Variants in PRKG1 observed in about 807,000 individuals in gnomAD.
PRKG1 encodes the protein cGMP-dependent protein kinase 1.
A neutral mutation model predicts 88.1 loss-of-function variants in PRKG1; 35 were observed. That is an observed-to-expected ratio of 0.40 (90% CI 0.30 to 0.53). The LOEUF (loss-of-function observed/expected upper bound fraction) is 0.53, where lower values mean the gene tolerates loss of function less well. Among genes scored for constraint, PRKG1 ranks in the 20% least tolerant of loss-of-function variants. PRKG1 has a pLI of 0.59. For synonymous variants in PRKG1, 303 were observed against 292.5 expected (o/e 1.04, Z -0.37); for missense variants, 540 against 839.8 (o/e 0.64, Z 4.41).
At chr10:51,992,165 A>G (rs535705952) in intron 5 of PRKG1, among the ~76,000 whole-genome samples, 1 of 152,268 alleles carries the variant, frequency 6.6e-6, no homozygotes, top group Admixed American at 6.5e-5. Context: ...TCTTTCCTAT[A>G]TAGCACTGGT....
chr10:52,108,500 C>T (rs1393533767), intron 7 of PRKG1, among the ~76,000 whole-genome samples: 1 of 152,042 alleles, frequency 6.6e-6, no homozygotes, highest in Non-Finnish European at 1.5e-5. Context: ...GGAGTGAGTC[C>T]AAGTATCACT....
chr10:52,221,307 T>A (rs1840239276), intron 9 of PRKG1, among the ~76,000 whole-genome samples: 1 of 152,178 alleles, frequency 6.6e-6, no homozygotes, highest in Non-Finnish European at 1.5e-5. Flanking sequence ...GCAATATATC[T>A]TGAGATAATT....
intron 5 of PRKG1, among the ~76,000 whole-genome samples, chr10:51,977,684 T>G (rs2133102163): frequency 6.6e-6 from 1 of 152,278 alleles, no homozygotes; most frequent in East Asian, 1.9e-4. Flanking sequence ...AGATGGTATA[T>G]TATTGTGGTT....
At chr10:51,828,131 A>C (rs1387764146) in intron 4 of PRKG1, among the ~76,000 whole-genome samples, 4 of 152,158 alleles carry the variant, frequency 2.6e-5, no homozygotes, top group Admixed American at 1.3e-4. Context: ...AGCAAAAGTA[A>C]TTGGTGCAAC....
chr10:52,014,189 C>T (rs577977513), intron 5 of PRKG1, among the ~76,000 whole-genome samples: 1 of 152,210 alleles, frequency 6.6e-6, no homozygotes, highest in Non-Finnish European at 1.5e-5. Context: ...AAAGAAACTA[C>T]CTGAGACTGG....
chr10:51,088,968 C>T (rs1197909746), intron 1 of PRKG1, among the ~76,000 whole-genome samples: 2 of 152,046 alleles, frequency 1.3e-5, no homozygotes, highest in Admixed American at 6.6e-5. Flanking sequence ...CATTTGGATG[C>T]TTTGGCATGC....
chr10:51,316,193 C>T (rs747886733), intron 2 of PRKG1, among the ~76,000 whole-genome samples: 41 of 152,030 alleles, frequency 2.7e-4, no homozygotes, highest in Admixed American at 1.7e-3. Flanking sequence ...CAAATGTCCC[C>T]TTGGGTAAAG....
intron 9 of PRKG1, among the ~76,000 whole-genome samples, chr10:52,205,959 C>G (rs1001009034): frequency 6.6e-6 from 1 of 152,034 alleles, no homozygotes; most frequent in Admixed American, 6.6e-5. Flanking sequence ...GAATGTTGAC[C>G]TCTCTGTTGA....
At chr10:51,799,101 T>C (rs1839095706) in intron 3 of PRKG1, among the ~76,000 whole-genome samples, 1 of 152,016 alleles carries the variant, frequency 6.6e-6, no homozygotes, top group African/African-American at 2.4e-5. Flanking sequence ...GTCCCTGTCT[T>C]GGTCTCTCTC....
At chr10:52,265,756 T>A (rs2132423018) in intron 10 of PRKG1, among the ~76,000 whole-genome samples, 1 of 152,242 alleles carries the variant, frequency 6.6e-6, no homozygotes. Context: ...TATGCAGACA[T>A]CAGCTATAGC....
At chr10:51,793,746 A>G (rs1173723991) in intron 3 of PRKG1, among the ~76,000 whole-genome samples, 1 of 152,102 alleles carries the variant, frequency 6.6e-6, no homozygotes, top group African/African-American at 2.4e-5. Context: ...GCTGAAGGAA[A>G]CAATATATTA....
intron 3 of PRKG1, among the ~76,000 whole-genome samples, chr10:51,536,695 A>C (rs1287871000): frequency 6.6e-6 from 1 of 151,740 alleles, no homozygotes; most frequent in East Asian, 1.9e-4. Context: ...ACATGTGCAC[A>C]ATGTGCAGGT....
At chr10:51,539,800 T>A (rs1428519320) in intron 3 of PRKG1, among the ~76,000 whole-genome samples, 1 of 152,186 alleles carries the variant, frequency 6.6e-6, no homozygotes. Flanking sequence ...AACCAAGTAA[T>A]TTTTGACTAG....
intron 1 of PRKG1, among the ~76,000 whole-genome samples, chr10:51,131,566 G>A (rs368401075): frequency 3.7e-4 from 57 of 152,262 alleles, no homozygotes; most frequent in African/African-American, 1.3e-3. Context: ...GATCAACATG[G>A]TGAAACTCCA....
intron 5 of PRKG1, among the ~76,000 whole-genome samples, chr10:51,974,666 C>T (rs542762300): frequency 6.6e-6 from 1 of 152,240 alleles, no homozygotes. Context: ...CACCTTAATC[C>T]TAACCATATT....
At chr10:52,256,914 T>C (rs1364527679) in intron 10 of PRKG1, among the ~76,000 whole-genome samples, 1 of 139,138 alleles carries the variant, frequency 7.2e-6, no homozygotes, top group African/African-American at 2.5e-5. Context: ...TGTGTGCCCC[T>C]GAAGTAGCCT....
rs555972396 is a variant in PRKG1 at position 52,106,457 on chromosome 10, G to A, written c.936-27383G>A. On this transcript the variant is annotated intron_variant, in intron 7 of 17. Transcript: ENST00000373980. ...AGAAACTCACAGGTTGGTGAGAACAGTAACTTATGTATATTAAATCCTTCG... is the reference window on the plus strand; with the variant it reads ...AGAAACTCACAGGTTGGTGAGAACAATAACTTATGTATATTAAATCCTTCG... 1.1e-4 allele frequency among the ~76,000 whole-genome samples: 17 copies of A among 152,154 alleles called. No individual in the cohort carries two copies. The South Asian group carries it at 3.1e-3, about 28-fold the overall frequency.
intron 5 of PRKG1, among the ~76,000 whole-genome samples, chr10:51,984,179 G>A (rs1844091061): frequency 6.6e-6 from 1 of 152,146 alleles, no homozygotes; most frequent in Non-Finnish European, 1.5e-5. Context: ...GTTACAAAGG[G>A]TGATATGAGA....
chr10:51,863,368 T>A (rs189914427), intron 4 of PRKG1, among the ~76,000 whole-genome samples: 109 of 152,340 alleles, frequency 7.2e-4, no homozygotes, highest in African/African-American at 2.5e-3. Context: ...TGTCACTTGT[T>A]GATGGTCTTT....
Sources: gnomAD v4.1 joint callset for allele counts (sites outside exome capture counted in the v4.1 genomes callset) on GRCh38, gnomAD v4.1.1 for gene constraint, MANE v1.5 for transcripts, NCBI Gene and HGNC (gene_info 2026-07-23, HGNC 2026-07-21) for gene names.